The following MBOAT1 variants were observed in gnomAD, a reference collection of about 807,000 sequenced individuals.
MBOAT1 encodes the protein membrane bound glycerophospholipid O-acyltransferase 1, also known as membrane-bound glycerophospholipid O-acyltransferase 1.
In MBOAT1, 67 loss-of-function variants were observed where a neutral mutation model predicts 64.4. That is an observed-to-expected ratio of 1.04 (90% confidence interval 0.85 to 1.27). The LOEUF (loss-of-function observed/expected upper bound fraction) is 1.27. Among genes scored for constraint, MBOAT1 ranks in the 50% most tolerant of loss-of-function variants. The pLI is 0.00. For synonymous variants in MBOAT1, 229 were observed against 218.9 expected, an observed-to-expected ratio of 1.05 and a Z score of -0.41; for missense variants, 563 against 604.6, an observed-to-expected ratio of 0.93 and a Z score of 0.72.
At chr6:20,151,133 ATC>A in intron 3 of MBOAT1, 50 bp downstream of exon 3, 1 of 1,319,366 alleles carries the variant, frequency 7.6e-7, no homozygotes, top group Non-Finnish European at 1.1e-6. Context: ...TATTTCAAAG[ATC>A]ACAAAAAAAA....
intron 1 of MBOAT1, among the ~76,000 whole-genome samples, chr6:20,171,596 G>T (rs550782591): frequency 6.6e-6 from 1 of 151,966 alleles, no homozygotes; most frequent in African/African-American, 2.4e-5. Context: ...TTTCATGTAC[G>T]TCTATTGGAA....
chr6:20,153,159 A>G (rs1462972499), intron 1 of MBOAT1, among the ~76,000 whole-genome samples: 1 of 152,168 alleles, frequency 6.6e-6, no homozygotes, highest in Admixed American at 6.5e-5. Flanking sequence ...GCAGATTTCC[A>G]CATCAAGAGG....
chr6:20,195,232 C>A (rs913980109), intron 1 of MBOAT1, among the ~76,000 whole-genome samples: 1 of 152,220 alleles, frequency 6.6e-6, no homozygotes, highest in Non-Finnish European at 1.5e-5. Context: ...GGATTACAGG[C>A]ATGAGCCACC....
At chr6:20,103,765 A>G (rs1195959321) in intron 12 of MBOAT1, among the ~76,000 whole-genome samples, 2 of 152,200 alleles carry the variant, frequency 1.3e-5, no homozygotes, top group South Asian at 2.1e-4. Flanking sequence ...ATTATGAAAG[A>G]GTCCGTTTTT....
chr6:20,134,932 A>G lies in MBOAT1; in HGVS notation c.420-3733T>C, dbSNP rs564200437. 3.3e-3 allele frequency among the ~76,000 whole-genome samples: 480 copies of G among 147,060 alleles called. 1 individual carries two copies. Among genetic ancestry groups the G allele is most frequent in the African/African-American group, 0.011 (432 of 39,878 alleles). ...TTTTTTTTTTTTTTTTTGCAAAAAAATACAAAACTCAGTACAGGAGAACAT... is the reference window on the plus strand; with the variant it reads ...TTTTTTTTTTTTTTTTTGCAAAAAAGTACAAAACTCAGTACAGGAGAACAT... On this transcript the variant is annotated intron_variant, in intron 4 of 12. Coordinates refer to ENST00000324607, the MANE Select transcript of MBOAT1 (RefSeq NM_001080480.3).
In MBOAT1 at chr6:20,118,495, T is replaced by A; in HGVS notation, c.953A>T (p.Asp318Val). Residue 318 changes from aspartate (D) to valine (V), a missense_variant, in exon 9 of 13, where the codon GAT (aspartate) becomes GTT (valine). Coordinates refer to ENST00000324607, the MANE Select transcript of MBOAT1 (RefSeq NM_001080480.3). ...NAAGFGFSGVDKNGNFCWDLL... is the reference protein window; with the variant it reads ...NAAGFGFSGVVKNGNFCWDLL... ...ATCCCAACAGAAATTCCCATTCTTA[T>A]CCACTCCGCTGAACCCAAAGCCAGC... 1 of 1,614,060 alleles carries A rather than the reference T, an allele frequency of 6.2e-7. No homozygotes were observed. The highest frequency in any genetic ancestry group is 8.5e-7 in the Non-Finnish European group (1 of 1,180,028).
chr6:20,116,461 A>G (rs13191711), intron 9 of MBOAT1, among the ~76,000 whole-genome samples: 24,467 of 152,222 alleles, frequency 0.16, 2,359 homozygotes, highest in East Asian at 0.41. Flanking sequence ...AAAATAATAT[A>G]TAGGCCACAC....
At chr6:20,174,293 T>C (rs1168169371) in intron 1 of MBOAT1, among the ~76,000 whole-genome samples, 2 of 152,192 alleles carry the variant, frequency 1.3e-5, no homozygotes, top group African/African-American at 4.8e-5. Context: ...AATTTCGTCA[T>C]CATGCAAGCA....
chr6:20,124,374 C>A (rs1441565733), intron 8 of MBOAT1, 34 bp downstream of exon 8: 23 of 1,584,920 alleles, frequency 1.5e-5, no homozygotes, highest in Non-Finnish European at 1.9e-5. Context: ...AGCATTTTTC[C>A]CTCATTCAGT....
intron 9 of MBOAT1, among the ~76,000 whole-genome samples, chr6:20,118,028 G>A (rs1415125755): frequency 2.6e-5 from 4 of 152,040 alleles, no homozygotes; most frequent in African/African-American, 9.7e-5. Flanking sequence ...GCCTCCAAAG[G>A]AACCACATAG....
chr6:20,129,354 C>G (rs1227225553), intron 5 of MBOAT1, among the ~76,000 whole-genome samples: 2 of 152,172 alleles, frequency 1.3e-5, no homozygotes, highest in African/African-American at 4.8e-5. Flanking sequence ...AAACTCCCAA[C>G]CAAGTCACAT....
intron 1 of MBOAT1, among the ~76,000 whole-genome samples, chr6:20,184,845 C>A (rs970950243): frequency 6.7e-6 from 1 of 150,162 alleles, no homozygotes; most frequent in East Asian, 2.0e-4. Context: ...TGTACCACCT[C>A]TATACTACCT....
chr6:20,191,004 C>T (rs946269331), intron 1 of MBOAT1, among the ~76,000 whole-genome samples: 2 of 152,220 alleles, frequency 1.3e-5, no homozygotes, highest in Non-Finnish European at 2.9e-5. Context: ...GCTAAGGACA[C>T]AGAATAATTA....
chr6:20,195,347 T>C (rs1004352379), intron 1 of MBOAT1, among the ~76,000 whole-genome samples: 2 of 152,240 alleles, frequency 1.3e-5, no homozygotes, highest in African/African-American at 4.8e-5. Context: ...GCAGTTTCAG[T>C]TGGCTCCTAT....
At position 20,100,952 on chromosome 6, in the gene MBOAT1, A is replaced by G. The variant is rs1759769937; in HGVS notation, c.*1334T>C. ...CATTCATAACAAAGATAGAAAAGAA[A>G]ACTTTCAATGTCTGCTTTCCAATAT... On this transcript the variant is annotated 3_prime_UTR_variant, in exon 13 of 13. Coordinates refer to ENST00000324607, the MANE Select transcript of MBOAT1 (RefSeq NM_001080480.3). 6.6e-6 allele frequency among the ~76,000 whole-genome samples: 1 copy of G among 152,174 alleles called. No homozygotes were observed. Among genetic ancestry groups the G allele is most frequent in the Non-Finnish European group, 1.5e-5 (1 of 68,028 alleles).
intron 6 of MBOAT1, among the ~76,000 whole-genome samples, chr6:20,128,280 C>CT (rs1760718929): frequency 6.6e-6 from 1 of 152,120 alleles, no homozygotes; most frequent in Admixed American, 6.5e-5. Context: ...TACTTCCTAT[C>CT]TTTTTTCAGA....
intron 1 of MBOAT1, among the ~76,000 whole-genome samples, chr6:20,181,353 T>G (rs983811710): frequency 2.6e-5 from 4 of 152,128 alleles, no homozygotes; most frequent in African/African-American, 9.7e-5. Context: ...GACCTTTCCT[T>G]TCTTAGATTT....
At position 20,102,276 on chromosome 6, in the gene MBOAT1, C is replaced by G; in HGVS notation, c.*10G>C. 6.2e-7 allele frequency: 1 copy of G among 1,612,588 alleles called. No individual in the cohort carries two copies. Among genetic ancestry groups the G allele is most frequent in the South Asian group, 1.1e-5 (1 of 90,590 alleles). ...CTGCAGTTTTGCTTGTTCCGCTTCT[C>G]TTGGAGGTATCAATCTGTTTTTCTC... On this transcript the variant is annotated 3_prime_UTR_variant, in exon 13 of 13. Transcript: ENST00000324607.
chr6:20,154,846 C>T (rs1413962009), intron 1 of MBOAT1, among the ~76,000 whole-genome samples: 1 of 152,180 alleles, frequency 6.6e-6, no homozygotes, highest in Non-Finnish European at 1.5e-5. Flanking sequence ...GCAGGACTTA[C>T]ATCAATGTCT....
Sources: allele counts gnomAD v4.1 joint callset (sites outside exome capture counted in the v4.1 genomes callset), GRCh38; gene constraint gnomAD v4.1.1; transcripts MANE v1.5; gene names NCBI Gene and HGNC (gene_info 2026-07-23, HGNC 2026-07-21).